Variants in XKR9 observed in about 807,000 individuals in gnomAD.
XKR9 encodes the protein XK-related protein 9.
Under a neutral mutation model 32.0 loss-of-function variants are expected in XKR9, and 32 were observed. That is an observed-to-expected ratio of 1.00 (90% CI 0.76 to 1.34). XKR9 has a LOEUF of 1.34. XKR9 is among the 40% of genes most tolerant of loss of function. The probability of loss-of-function intolerance (pLI) is 0.00; values close to 1 mark genes in which losing one functional copy is unlikely to be tolerated. For missense variants in XKR9, 546 were observed against 429.7 expected (o/e 1.27, Z -2.39); for synonymous variants, 168 against 143.4 (o/e 1.17, Z -1.22).
intron 2 of XKR9, among the ~76,000 whole-genome samples, chr8:70,746,979 C>G (rs577243332): frequency 6.6e-6 from 1 of 152,132 alleles, no homozygotes; most frequent in South Asian, 2.1e-4. Context: ...CCATGTATAC[C>G]CATTGTTTAG....
intron 2 of XKR9, among the ~76,000 whole-genome samples, chr8:70,780,731 A>C (rs62508773): frequency 0.073 from 11,037 of 152,150 alleles, 473 homozygotes; most frequent in Non-Finnish European, 0.089. Context: ...TTATTATGGA[A>C]GTCCCAGAAA....
the XKR9 span, among the ~76,000 whole-genome samples, chr8:70,953,806 G>A: frequency 1.3e-5 from 2 of 152,114 alleles, no homozygotes; most frequent in African/African-American, 4.8e-5. Context: ...GGCTCTCACT[G>A]TCTTGGCCTC....
chr8:70,953,706 A>G, the XKR9 span, among the ~76,000 whole-genome samples: 1 of 152,196 alleles, frequency 6.6e-6, no homozygotes, highest in Non-Finnish European at 1.5e-5. Context: ...ATGGGTAACT[A>G]GAGTGAGCCC....
chr8:70,857,250 G>A, the XKR9 span, among the ~76,000 whole-genome samples: 1 of 151,976 alleles, frequency 6.6e-6, no homozygotes, highest in Non-Finnish European at 1.5e-5. Context: ...GAAGAAAAGA[G>A]GGAAGAATCA....
At chr8:71,023,867 G>C in the XKR9 span, among the ~76,000 whole-genome samples, 2 of 152,182 alleles carry the variant, frequency 1.3e-5, no homozygotes, top group African/African-American at 4.8e-5. Flanking sequence ...GGAGTGCCCA[G>C]ATGCCAGTGC....
the XKR9 span, among the ~76,000 whole-genome samples, chr8:70,922,103 G>A: frequency 6.6e-6 from 1 of 152,196 alleles, no homozygotes; most frequent in Non-Finnish European, 1.5e-5. Flanking sequence ...CAAGAGCAGA[G>A]TTGGGGAATT....
the XKR9 span, among the ~76,000 whole-genome samples, chr8:71,010,745 C>T: frequency 6.6e-6 from 1 of 152,154 alleles, no homozygotes; most frequent in Non-Finnish European, 1.5e-5. Flanking sequence ...AAAAATCAAA[C>T]AATCAGTCTT....
chr8:70,722,692 T>C (rs1329982147), intron 4 of XKR9, among the ~76,000 whole-genome samples: 1 of 152,196 alleles, frequency 6.6e-6, no homozygotes, highest in Admixed American at 6.5e-5. Flanking sequence ...CTTCTCTTTG[T>C]AGATGACCTG....
At chr8:70,764,830 G>A (rs576248547) in intron 2 of XKR9, among the ~76,000 whole-genome samples, 1 of 152,294 alleles carries the variant, frequency 6.6e-6, no homozygotes, top group South Asian at 2.1e-4. Context: ...TTATGAGTGA[G>A]AACATGCGGT....
At chr8:70,703,469 T>G (rs1039726646) in intron 3 of XKR9, among the ~76,000 whole-genome samples, 31 of 152,100 alleles carry the variant, frequency 2.0e-4, no homozygotes, top group Non-Finnish European at 1.6e-4. Flanking sequence ...TCTTGTGGTG[T>G]TCTTACATGG....
intron 2 of XKR9, among the ~76,000 whole-genome samples, chr8:70,770,441 G>A (rs1456232168): frequency 1.3e-5 from 2 of 152,186 alleles, no homozygotes; most frequent in Non-Finnish European, 2.9e-5. Flanking sequence ...CTTGAGCGCT[G>A]TGCTGGGAGA....
At chr8:70,831,686 C>T in the XKR9 span, among the ~76,000 whole-genome samples, 1 of 151,954 alleles carries the variant, frequency 6.6e-6, no homozygotes, top group East Asian at 1.9e-4. Flanking sequence ...AACTTATATT[C>T]AGATTTCATA....
At chr8:70,984,176 T>G in the XKR9 span, among the ~76,000 whole-genome samples, 1 of 152,188 alleles carries the variant, frequency 6.6e-6, no homozygotes, top group Admixed American at 6.5e-5. Context: ...CCTAGAGAAA[T>G]GAGAAGTGCC....
At chr8:71,051,924 A>C in the XKR9 span, among the ~76,000 whole-genome samples, 1 of 152,246 alleles carries the variant, frequency 6.6e-6, no homozygotes, top group Admixed American at 6.5e-5. Flanking sequence ...ATGGAGGAGG[A>C]AAATACATCA....
At chr8:70,844,240 C>A in the XKR9 span, among the ~76,000 whole-genome samples, 1 of 152,240 alleles carries the variant, frequency 6.6e-6, no homozygotes, top group Non-Finnish European at 1.5e-5. Flanking sequence ...GGCCAAAGTG[C>A]ATGCCACTGA....
chr8:70,832,487 C>T, the XKR9 span, among the ~76,000 whole-genome samples: 2 of 152,088 alleles, frequency 1.3e-5, no homozygotes, highest in African/African-American at 4.8e-5. Context: ...ACTTTACTTA[C>T]AGGAGTGATA....
the XKR9 span, among the ~76,000 whole-genome samples, chr8:70,950,288 A>G: frequency 6.6e-6 from 1 of 152,192 alleles, no homozygotes; most frequent in Non-Finnish European, 1.5e-5. Context: ...TAGCCAGAAG[A>G]GGTACCAGAT....
chr8:70,733,778 T>C lies in XKR9; in HGVS notation c.494-18T>C. 6.6e-7 allele frequency: 1 copy of C among 1,508,660 alleles called. No homozygotes were observed. The highest frequency in any genetic ancestry group is 8.8e-7 in the Non-Finnish European group (1 of 1,132,116). 93.5% of individuals were successfully genotyped at this position (1,508,660 alleles called of 1,614,324 possible). A position where few individuals can be genotyped will look rare whatever the true frequency, so the allele number is the denominator to read the frequency against. ...ATTATTCCTATAACAATATATTTTT[T>C]ATTTTTTTGTTTTGTAGATGCGGCC... On this transcript the variant is annotated intron_variant, in intron 4 of 4. Coordinates refer to ENST00000408926, the MANE Select transcript of XKR9 (RefSeq NM_001011720.2).
the XKR9 span, among the ~76,000 whole-genome samples, chr8:70,855,868 A>G: frequency 6.6e-6 from 1 of 152,326 alleles, no homozygotes; most frequent in South Asian, 2.1e-4. Context: ...TTTCATATCC[A>G]GCCAAACCAA....
Sources: allele counts gnomAD v4.1 joint callset (sites outside exome capture counted in the v4.1 genomes callset), GRCh38; gene constraint gnomAD v4.1.1; transcripts MANE v1.5; gene names NCBI Gene and HGNC (gene_info 2026-07-23, HGNC 2026-07-21).